Variants in SEM1 observed in about 807,000 individuals in gnomAD.
The protein encoded by SEM1 is SEM1 26S proteasome subunit.
In SEM1, 3 loss-of-function variants were observed where a neutral mutation model predicts 12.7. The observed-to-expected ratio is 0.24, with a 90% confidence interval of 0.11 to 0.61. The LOEUF (loss-of-function observed/expected upper bound fraction) is 0.61. Ranked by LOEUF, SEM1 falls within the 20% of genes least tolerant of loss-of-function variation. The probability of loss-of-function intolerance (pLI) is 0.88; values close to 1 mark genes in which losing one functional copy is unlikely to be tolerated. For missense variants in SEM1, 59 were observed against 81.3 expected, an observed-to-expected ratio of 0.73 and a Z score of 1.06; for synonymous variants, 30 against 27.8, an observed-to-expected ratio of 1.08 and a Z score of -0.25.
intron 2 of SEM1, among the ~76,000 whole-genome samples, chr7:96,599,806 G>A (rs1420782260): frequency 1.3e-5 from 2 of 152,036 alleles, no homozygotes; most frequent in African/African-American, 4.8e-5. Flanking sequence ...TTAAGCCCTG[G>A]CTCTGCATGT....
intron 2 of SEM1, among the ~76,000 whole-genome samples, chr7:96,606,621 T>C (rs1807388720): frequency 6.6e-6 from 1 of 152,202 alleles, no homozygotes; most frequent in African/African-American, 2.4e-5. Flanking sequence ...ATATTTTTCA[T>C]CCAAGTCCAG....
chr7:96,687,773 T>TA (rs1300048507), downstream of SEM1, among the ~76,000 whole-genome samples: 2 of 152,140 alleles, frequency 1.3e-5, no homozygotes, highest in South Asian at 2.1e-4. Context: ...CCCTAAAACT[T>TA]AAAGTATAAT....
chr7:96,486,167 T>C (rs926870687), intron 2 of SEM1: 1 of 1,287,742 alleles, frequency 7.8e-7, no homozygotes, highest in South Asian at 1.4e-5. Flanking sequence ...TTTTCTACCT[T>C]TTTTTTTTTT....
intron 2 of SEM1, among the ~76,000 whole-genome samples, chr7:96,525,053 G>A (rs1013699188): frequency 2.6e-5 from 4 of 152,074 alleles, no homozygotes; most frequent in African/African-American, 9.7e-5. Flanking sequence ...ACTACGGGTG[G>A]CTGATTCTTC....
At chr7:96,654,625 G>A (rs1452649653) in intron 2 of SEM1, among the ~76,000 whole-genome samples, 1 of 152,192 alleles carries the variant, frequency 6.6e-6, no homozygotes, top group Non-Finnish European at 1.5e-5. Flanking sequence ...CCCATCTGTA[G>A]GCTAATATAA....
At chr7:96,708,091 TATG>T (rs1336109668) in intron 1 of SEM1, 5 of 152,202 alleles carry the variant, frequency 3.3e-5, no homozygotes, top group African/African-American at 4.8e-5. Flanking sequence ...CCACCCTGTA[TATG>T]ATAATGAAGA....
At chr7:96,613,334 C>G (rs1280579337) in intron 2 of SEM1, among the ~76,000 whole-genome samples, 1 of 152,172 alleles carries the variant, frequency 6.6e-6, no homozygotes, top group African/African-American at 2.4e-5. Flanking sequence ...ATTGTAACAT[C>G]TGCCTAGTTT....
intron 2 of SEM1, among the ~76,000 whole-genome samples, chr7:96,515,717 C>T (rs192466355): frequency 1.3e-4 from 20 of 152,064 alleles, no homozygotes; most frequent in African/African-American, 4.8e-4. Context: ...TGAGTTCCTG[C>T]CCTTTGCAGG....
intron 2 of SEM1, among the ~76,000 whole-genome samples, chr7:96,693,973 A>G (rs1790012205): frequency 6.6e-6 from 1 of 152,034 alleles, no homozygotes; most frequent in Non-Finnish European, 1.5e-5. Context: ...AAATTGGAAT[A>G]TACAATATGG....
chr7:96,504,076 G>A (rs1451724409), intron 3 of SEM1, among the ~76,000 whole-genome samples: 2 of 152,132 alleles, frequency 1.3e-5, no homozygotes, highest in African/African-American at 4.8e-5. Context: ...GTCTGATGAA[G>A]CTTTGCACTT....
chr7:96,645,744 A>G (rs1261590716), intron 2 of SEM1: 1 of 398,322 alleles, frequency 2.5e-6, no homozygotes, highest in South Asian at 1.3e-4. Flanking sequence ...GTAACTTTAC[A>G]TGACCCATGC....
chr7:96,570,963 C>CT (rs200108908), intron 2 of SEM1, among the ~76,000 whole-genome samples: 43,495 of 143,312 alleles, frequency 0.3, 6,391 homozygotes, highest in Middle Eastern at 0.33. Flanking sequence ...TGATGATGAG[C>CT]TTTTTTTTTT....
At chr7:96,681,992 C>T (rs779012153) in intron 2 of SEM1, among the ~76,000 whole-genome samples, 1 of 152,040 alleles carries the variant, frequency 6.6e-6, no homozygotes, top group African/African-American at 2.4e-5. Flanking sequence ...GCCATTTTCA[C>T]GATATTGATT....
At chr7:96,508,717 A>T (rs866339557) in intron 2 of SEM1, among the ~76,000 whole-genome samples, 2 of 152,268 alleles carry the variant, frequency 1.3e-5, no homozygotes, top group Middle Eastern at 3.4e-3. Flanking sequence ...AGCTAGTGGC[A>T]TAAGGTGGAT....
At chr7:96,626,301 TC>T (rs1383355040) in intron 2 of SEM1, among the ~76,000 whole-genome samples, 1 of 152,178 alleles carries the variant, frequency 6.6e-6, no homozygotes, top group Non-Finnish European at 1.5e-5. Flanking sequence ...TTGTTTTATT[TC>T]ACTTAACATA....
chr7:96,584,599 G>T (rs1380066526), intron 2 of SEM1, among the ~76,000 whole-genome samples: 2 of 151,130 alleles, frequency 1.3e-5, no homozygotes, highest in Non-Finnish European at 2.9e-5. Context: ...TCACTTTCAG[G>T]TACACCAATC....
intron 2 of SEM1, among the ~76,000 whole-genome samples, chr7:96,552,918 T>C (rs1401522178): frequency 3.8e-4 from 57 of 149,754 alleles, no homozygotes; most frequent in African/African-American, 1.3e-3. Flanking sequence ...CTCATTGTGG[T>C]TTTGATTTGC....
chr7:96,560,344 A>G (rs1297194332), intron 2 of SEM1, among the ~76,000 whole-genome samples: 2 of 152,184 alleles, frequency 1.3e-5, no homozygotes, highest in African/African-American at 2.4e-5. Flanking sequence ...ACAAAATGAT[A>G]CATTTTAATC....
At chr7:96,500,693 C>A (rs1227304384), upstream of SEM1, among the ~76,000 whole-genome samples, 3 of 152,116 alleles carry the variant, frequency 2.0e-5, no homozygotes, top group African/African-American at 7.2e-5. Context: ...ATCTGTGCTT[C>A]CTTATACTGC....
Sources: gnomAD v4.1 joint callset for allele counts (sites outside exome capture counted in the v4.1 genomes callset) on GRCh38, gnomAD v4.1.1 for gene constraint, MANE v1.5 for transcripts, NCBI Gene and HGNC (gene_info 2026-07-23, HGNC 2026-07-21) for gene names.